HDAC6: variants seen among roughly 807,000 people sequenced by gnomAD.
HDAC6 encodes protein deacetylase HDAC6.
Under a neutral mutation model 88.9 loss-of-function variants are expected in HDAC6, and 5 were observed. The ratio of observed to expected loss-of-function variants is 0.06; its 90% CI spans 0.03 to 0.12. The LOEUF (loss-of-function observed/expected upper bound fraction) is 0.12. Among genes scored for constraint, HDAC6 ranks in the 10% least tolerant of loss-of-function variants. The probability of loss-of-function intolerance (pLI) is 1.00; values close to 1 mark genes in which losing one functional copy is unlikely to be tolerated. For missense variants in HDAC6, 706 were observed against 1,014.4 expected (o/e 0.70, Z 4.13); for synonymous variants, 378 against 398.0 (o/e 0.95, Z 0.60).
At position 48,816,128 on chromosome X, in the gene HDAC6, T is replaced by C. The variant is rs895253965; in HGVS notation, c.1494-13T>C. On this transcript the variant is annotated splice_polypyrimidine_tract_variant and intron_variant, in intron 17 of 28. Transcript: ENST00000334136. ...AGGCACTAAGCCTCTACCTCTCGTT[T>C]CCCCACTGCTAGCCACCACCCTGAG... 5.8e-6 allele frequency: 7 copies of C among 1,209,333 alleles called. No individual in the cohort carries two copies. The highest frequency in any genetic ancestry group is 1.7e-5 in the African/African-American group (1 of 57,264).
upstream of HDAC6, chrX:48,801,715 C>T (rs782552897): frequency 2.2e-6 from 1 of 452,394 alleles, no homozygotes; most frequent in African/African-American, 2.6e-5. Flanking sequence ...GCGTAGCACG[C>T]CGACGCACCG....
At chrX:48,807,956 G>C in intron 8 of HDAC6, 77 bp from the exon 9 acceptor site, 1 of 672,252 alleles carries the variant, frequency 1.5e-6, no homozygotes, top group Non-Finnish European at 2.3e-6. Context: ...TCCAGGATTA[G>C]AGAGCAGGGG....
chrX:48,810,935 T>C (rs1225671305), intron 10 of HDAC6: 6 of 111,780 alleles, frequency 5.4e-5, no homozygotes, highest in African/African-American at 2.0e-4. Context: ...AGATATCCTG[T>C]TAAACTCCAA....
intron 10 of HDAC6, among the ~76,000 whole-genome samples, chrX:48,812,805 G>A (rs910649343): frequency 1.5e-4 from 17 of 112,154 alleles, no homozygotes; most frequent in African/African-American, 5.5e-4. Context: ...AACTTAGCTT[G>A]AGTGCTAGTT....
chrX:48,821,002 T>G (rs1557029600), intron 23 of HDAC6, among the ~76,000 whole-genome samples: 1 of 109,950 alleles, frequency 9.1e-6, no homozygotes, highest in Non-Finnish European at 1.9e-5. Flanking sequence ...CACGCCCAGC[T>G]AATTTTTGTA....
Position 48,815,484 on chromosome X carries a change from G to C in HDAC6, c.1250G>C (p.Cys417Ser). The C allele has an allele frequency of 8.3e-7, 1 of 1,204,602 alleles. No individual in the cohort carries two copies. The highest frequency in any genetic ancestry group is 1.1e-6 in the Non-Finnish European group (1 of 889,911). Reference protein sequence around the residue: ...CPMLESPGAPCRSAQASVSCA... With the variant: ...CPMLESPGAPSRSAQASVSCA... ...ATGCTGGAGTCACCTGGTGCCCCCT[G>C]CCGGAGGTGAGCCCCGGTGGAGGAG... The change falls in exon 15 of 29, where the codon TGC becomes TCC. Residue 417 changes from cysteine (C) to serine (S), a missense_variant. Coordinates refer to ENST00000334136, the MANE Select transcript of HDAC6 (RefSeq NM_006044.4).
chrX:48,823,627 A>G, intron 25 of HDAC6, 39 bp downstream of exon 25: 1 of 1,194,734 alleles, frequency 8.4e-7, no homozygotes, highest in Admixed American at 2.2e-5. Context: ...AAGAAGGGGC[A>G]AGAATCGGGC....
intron 23 of HDAC6, among the ~76,000 whole-genome samples, chrX:48,820,782 AT>A (rs1557029493): frequency 5.4e-5 from 6 of 112,079 alleles, no homozygotes; most frequent in Non-Finnish European, 9.4e-5. Context: ...TCATGGAGGA[AT>A]GCCTGGCATA....
rs782412155 is a variant in HDAC6 at position 48,808,335 on chromosome X, C to T, written c.806+9C>T. On this transcript the variant is annotated intron_variant, in intron 10 of 28. Transcript: ENST00000334136. ...TTCGACCAGGACCCCAGGTATACCC[C>T]GACTCCCACCTAGGTGCTAGACTCC... is the stretch of plus-strand genomic sequence containing the variant. 4.3e-6 allele frequency: 5 copies of T among 1,173,457 alleles called. No homozygotes were observed. Among genetic ancestry groups the T allele is most frequent in the East Asian group, 6.0e-5 (2 of 33,366 alleles).
chrX:48,814,563 C>A lies in HDAC6; in HGVS notation c.930C>A (p.Asn310Lys), dbSNP rs145799176. ...GATATACCATCAATGTGCCTTGGAA[C>A]CAGGTCAGCATCTACCCACCTCTGC... ...GQGYTINVPW[N>K]QVGMRDADYI... Residue 310 changes from asparagine (N) to lysine (K), a missense_variant, in exon 11 of 29, where the codon AAC becomes AAA. Physicochemically the swap from Asn to Lys is moderately conservative, Grantham distance 94. Around this residue, in one of 9 missense-constraint regions of HDAC6, gnomAD observed 193 missense variants for 258.2 expected, o/e 0.75. Coordinates refer to ENST00000334136, the MANE Select transcript of HDAC6 (RefSeq NM_006044.4). 2 of 1,210,768 alleles carry A rather than the reference C, an allele frequency of 1.7e-6. No homozygotes were observed. The highest frequency in any genetic ancestry group is 3.5e-5 in the African/African-American group (2 of 57,557).
Position 48,818,283 on chromosome X carries a change from T to C in HDAC6, c.2058T>C (p.Gly686=). The C allele has an allele frequency of 1.7e-6, 2 of 1,201,093 alleles. No individual in the cohort carries two copies. Among genetic ancestry groups the C allele is most frequent in the Non-Finnish European group, 2.2e-6 (2 of 890,050 alleles). The change falls in exon 22 of 29, where the codon GGT becomes GGC. Residue 686 remains glycine, a synonymous_variant. Coordinates refer to ENST00000334136, the MANE Select transcript of HDAC6 (RefSeq NM_006044.4). The part of the protein sequence containing the change: ...HGTFFPMGDE[G]ASSQIGRAAG... ...CCTTCTTCCCCATGGGGGATGAGGG[T>C]GCCAGCAGCCAGATCGGCCGGGCTG...
At position 48,802,778 on chromosome X, in the gene HDAC6, T is replaced by C; in HGVS notation, c.86T>C (p.Val29Ala). ...NPQSPPQDSSVTSKRNIKKGA... is the reference protein window; with the variant it reads ...NPQSPPQDSSATSKRNIKKGA... ...CAGTCGCCCCCTCAGGACTCCAGTG[T>C]CACTTCGGTGAGGCCCTAGACCCGC... The change falls in exon 2 of 29, where the codon GTC (valine) becomes GCC (alanine). Residue 29 changes from valine to alanine, a missense_variant. By Grantham distance (64) the Val-to-Ala change is moderately conservative. Coordinates refer to ENST00000334136, the MANE Select transcript of HDAC6 (RefSeq NM_006044.4). 2 of 1,207,263 alleles carry C rather than the reference T, an allele frequency of 1.7e-6. No individual in the cohort carries two copies. The highest frequency in any genetic ancestry group is 2.2e-6 in the Non-Finnish European group (2 of 893,257).
chrX:48,816,751 G>GT, intron 19 of HDAC6, 118 bp downstream of exon 19: 3 of 504,317 alleles, frequency 5.9e-6, no homozygotes, highest in Non-Finnish European at 9.2e-6. Context: ...GGGCCATGGG[G>GT]AGGGGCACGG....
Position 48,815,583 on chromosome X carries a change from C to T in HDAC6, c.1265C>T (p.Ala422Val). Residue 422 changes from alanine (A) to valine (V), a missense_variant, in exon 16 of 29, where the codon GCT becomes GTT. Physicochemically the swap from Ala to Val is moderately conservative, Grantham distance 64. Coordinates refer to ENST00000334136, the MANE Select transcript of HDAC6 (RefSeq NM_006044.4). The stretch of plus-strand genomic sequence containing the variant: ...TTCTCCCTGCCCTGCAGTGCCCAGG[C>T]TTCAGTTTCCTGTGCTCTGGAAGCC... ...SPGAPCRSAQ[A>V]SVSCALEALE... is the part of the protein sequence containing the mutation. 8.3e-7 allele frequency: 1 copy of T among 1,210,655 alleles called. No homozygotes were observed. Among genetic ancestry groups the T allele is most frequent in the Non-Finnish European group, 1.1e-6 (1 of 894,468 alleles).
intron 10 of HDAC6, chrX:48,813,960 A>G (rs2062941347): frequency 8.6e-6 from 1 of 116,063 alleles, no homozygotes; most frequent in African/African-American, 3.3e-5. Context: ...TAAGAGCCCC[A>G]TGCTCCATTT....
chrX:48,821,220 T>C (rs1484215619), intron 23 of HDAC6, among the ~76,000 whole-genome samples: 1 of 110,269 alleles, frequency 9.1e-6, no homozygotes, highest in East Asian at 2.8e-4. Flanking sequence ...TTTTCTTTTT[T>C]TTTTTGAGAC....
intron 20 of HDAC6, 117 bp from the exon 21 acceptor site, chrX:48,817,924 T>C: frequency 1.5e-6 from 1 of 650,114 alleles, no homozygotes; most frequent in Non-Finnish European, 2.4e-6. Flanking sequence ...CCTTAACTGA[T>C]AGGACCCAGG....
Position 48,805,494 on chromosome X carries a change from G to T in HDAC6, c.368G>T (p.Gly123Val). Residue 123 changes from glycine to valine, a missense_variant, in exon 5 of 29, where the codon GGC (glycine) becomes GTC (valine). By Grantham distance (109) the Gly-to-Val change is moderately radical (BLOSUM62 -3). Transcript: ENST00000334136. ...HAIKEQLIQE[G>V]LLDRCVSFQA... Reference sequence around the variant, plus strand: ...ATCAAGGAGCAACTGATCCAGGAGGGCCTCCTAGATCGCTGCGTGTCCTTT... The same window carrying T: ...ATCAAGGAGCAACTGATCCAGGAGGTCCTCCTAGATCGCTGCGTGTCCTTT... The T allele has an allele frequency of 8.3e-7, 1 of 1,209,113 alleles. No homozygotes were observed. The highest frequency in any genetic ancestry group is 1.1e-6 in the Non-Finnish European group (1 of 893,457).
Position 48,823,945 on chromosome X carries a change from A to G in HDAC6, c.3327A>G (p.Pro1109=). ...TDQAIFYAVT[P]LPWCPHLVAV... ...AGGCCATATTTTATGCTGTGACACC[A>G]CTGCCCTGGTGTCCCCATTTGGTGG... The change falls in exon 27 of 29, where the codon CCA becomes CCG. Residue 1109 remains proline, a synonymous_variant. Transcript: ENST00000334136. 8.3e-7 allele frequency: 1 copy of G among 1,211,196 alleles called. No homozygotes were observed. The highest frequency in any genetic ancestry group is 1.1e-6 in the Non-Finnish European group (1 of 894,987).
Sources: allele counts gnomAD v4.1 joint callset (sites outside exome capture counted in the v4.1 genomes callset), GRCh38; gene constraint gnomAD v4.1.1; regional missense constraint gnomAD v4.1.1; transcripts MANE v1.5; gene names NCBI Gene and HGNC (gene_info 2026-07-23, HGNC 2026-07-21).